The following IMPA2 variants were observed in gnomAD, a reference collection of about 807,000 sequenced individuals.
IMPA2 encodes the protein inositol monophosphatase 2.
In IMPA2, 32 loss-of-function variants were observed where a neutral mutation model predicts 35.1. The observed-to-expected ratio is 0.91, with a 90% CI of 0.69 to 1.23. The LOEUF (loss-of-function observed/expected upper bound fraction) is 1.23. Among genes scored for constraint, IMPA2 ranks in the 50% most tolerant of loss-of-function variants. The probability of loss-of-function intolerance (pLI) is 0.00; values close to 1 mark genes in which losing one functional copy is unlikely to be tolerated. For missense variants in IMPA2, 334 were observed against 387.6 expected (o/e 0.86, Z 1.16); for synonymous variants, 135 against 160.6 (o/e 0.84, Z 1.20).
intron 1 of IMPA2, among the ~76,000 whole-genome samples, chr18:11,986,908 C>T (rs1906682603): frequency 2.6e-5 from 4 of 152,246 alleles, no homozygotes; most frequent in Admixed American, 6.5e-5. Context: ...AGATGTAACT[C>T]ATGGTTCAGC....
intron 2 of IMPA2, among the ~76,000 whole-genome samples, chr18:12,002,361 T>TA (rs1454443888): frequency 1.3e-5 from 2 of 152,222 alleles, no homozygotes; most frequent in Non-Finnish European, 2.9e-5. Context: ...AACATTTTTT[T>TA]AAAAACCTGA....
chr18:11,986,416 C>T lies in IMPA2; in HGVS notation c.96+4651C>T, dbSNP rs377055829. Among the ~76,000 whole-genome samples the T allele has an allele frequency of 4.7e-4, 71 of 152,276 alleles. No homozygotes were observed. In the Middle Eastern group the frequency reaches 0.01, roughly 22 times the overall value. ...CTGTCTTTCCAGTGCCCCACCTGGT[C>T]CTGCTGAGCTGGCACTCCTCATGAC... On this transcript the variant is annotated intron_variant, in intron 1 of 7. Transcript: ENST00000269159.
At position 12,019,664 on chromosome 18, in the gene IMPA2, A is replaced by C. The variant is rs187817022; in HGVS notation, c.490+5291A>C. Among the ~76,000 whole-genome samples, 488 of 152,164 alleles carry C rather than the reference A, an allele frequency of 3.2e-3. 1 individual carries two copies. Among genetic ancestry groups the C allele is most frequent in the African/African-American group, 0.011 (466 of 41,518 alleles). ...ATCCATTGGGCTATCTTGTACTTTG[A>C]ATGGATCTTTTGTTCATTGTTGATT... is the stretch of plus-strand genomic sequence containing the variant. On this transcript the variant is annotated intron_variant, in intron 5 of 7. Transcript: ENST00000269159.
rs978214444 is a variant in IMPA2, at chr18:11,991,944, C to T, written c.97-7110C>T. Among the ~76,000 whole-genome samples the T allele has an allele frequency of 1.3e-5, 2 of 151,954 alleles. No homozygotes were observed. The highest frequency in any genetic ancestry group is 3.9e-4 in the East Asian group (2 of 5,154). On this transcript the variant is annotated intron_variant, in intron 1 of 7. Coordinates refer to ENST00000269159, the MANE Select transcript of IMPA2 (RefSeq NM_014214.3). The surrounding 1 kb of genome is among the most constrained non-coding windows in gnomAD (Gnocchi z 4.1). ...CCGCAACCTCCACCTCCTGGGCTCA[C>T]GCGTTTCTCCTACCTCAGCCCCCTG...
At chr18:11,985,839 C>T (rs979150870) in intron 1 of IMPA2, among the ~76,000 whole-genome samples, 11 of 152,206 alleles carry the variant, frequency 7.2e-5, no homozygotes, top group African/African-American at 2.4e-4. Flanking sequence ...TTCATCTACT[C>T]AGCTTATCTT....
chr18:11,983,696 G>A (rs1372021242), intron 1 of IMPA2, among the ~76,000 whole-genome samples: 2 of 151,954 alleles, frequency 1.3e-5, no homozygotes, highest in Non-Finnish European at 2.9e-5. Flanking sequence ...AGGAAGCCCG[G>A]GCCGCCCGGG....
At chr18:12,020,518 T>C (rs1907700169) in intron 5 of IMPA2, among the ~76,000 whole-genome samples, 1 of 152,210 alleles carries the variant, frequency 6.6e-6, no homozygotes, top group Non-Finnish European at 1.5e-5. Flanking sequence ...TAGAAGAGTT[T>C]TCTTGAATTA....
chr18:11,992,250 T>C (rs1906836721), intron 1 of IMPA2, among the ~76,000 whole-genome samples: 1 of 152,222 alleles, frequency 6.6e-6, no homozygotes, highest in Non-Finnish European at 1.5e-5. Flanking sequence ...TCTGGAAGCA[T>C]AAACATGGGG....
chr18:12,013,699 CTG>C (rs771576090), intron 4 of IMPA2, among the ~76,000 whole-genome samples: 4 of 152,206 alleles, frequency 2.6e-5, no homozygotes, highest in Non-Finnish European at 5.9e-5. Context: ...TCCTGGGAGG[CTG>C]TGGTCTGATG....
intron 5 of IMPA2, among the ~76,000 whole-genome samples, chr18:12,019,457 C>A (rs1907670327): frequency 7.1e-6 from 1 of 140,854 alleles, no homozygotes; most frequent in Admixed American, 7.4e-5. Flanking sequence ...TAGTAGAGAT[C>A]AGGTTTCACC....
chr18:11,986,507 T>C (rs1420212408), intron 1 of IMPA2, among the ~76,000 whole-genome samples: 2 of 152,150 alleles, frequency 1.3e-5, no homozygotes, highest in Non-Finnish European at 2.9e-5. Flanking sequence ...AATACTCTTT[T>C]GTCTACCTCT....
chr18:12,027,689 C>T (rs144035979), intron 5 of IMPA2, among the ~76,000 whole-genome samples: 1 of 151,590 alleles, frequency 6.6e-6, no homozygotes, highest in Non-Finnish European at 1.5e-5. Flanking sequence ...AATCCTCCCA[C>T]CTCAGCCTCC....
At chr18:11,998,022 C>T (rs944019690) in intron 1 of IMPA2, among the ~76,000 whole-genome samples, 1 of 152,140 alleles carries the variant, frequency 6.6e-6, no homozygotes, top group African/African-American at 2.4e-5. Context: ...AAAAAATGAG[C>T]TGGGTGCAGT....
chr18:11,997,092 C>T (rs187944533), intron 1 of IMPA2, among the ~76,000 whole-genome samples: 18 of 152,260 alleles, frequency 1.2e-4, no homozygotes, highest in African/African-American at 4.3e-4. Context: ...ACAACAGAGA[C>T]ACACACACAT....
chr18:11,995,068 A>G (rs1345750414), intron 1 of IMPA2: 1 of 152,118 alleles, frequency 6.6e-6, no homozygotes, highest in Non-Finnish European at 1.5e-5. Context: ...GGAGCTGAGA[A>G]AGGGGTCGGG....
intron 2 of IMPA2, among the ~76,000 whole-genome samples, chr18:12,007,968 CTTT>C (rs933903107): frequency 6.7e-6 from 1 of 150,002 alleles, no homozygotes; most frequent in East Asian, 2.0e-4. Context: ...ATTTCTTTTT[CTTT>C]TTTTTTCTTT....
Position 11,999,076 on chromosome 18 carries a change from A to G in IMPA2, c.119A>G (p.Glu40Gly). 1.2e-6 allele frequency: 2 copies of G among 1,613,712 alleles called. No homozygotes were observed. The highest frequency in any genetic ancestry group is 1.7e-6 in the Non-Finnish European group (2 of 1,179,808). ...CAGATCATCAGAAAAGCCCTTACTG[A>G]GGAAAAACGTGTCTCAACAAAAACA... The part of the protein sequence containing the change: ...AGQIIRKALT[E>G]EKRVSTKTSA... The change falls in exon 2 of 8, where the codon GAG becomes GGG. Residue 40 changes from glutamate (E) to glycine (G), a missense_variant. Transcript: ENST00000269159.
intron 1 of IMPA2, among the ~76,000 whole-genome samples, chr18:11,983,765 G>A (rs1235620230): frequency 6.6e-6 from 1 of 152,082 alleles, no homozygotes; most frequent in African/African-American, 2.4e-5. Context: ...TGAGGGAATG[G>A]CCTGAAGGTC....
intron 1 of IMPA2, among the ~76,000 whole-genome samples, chr18:11,984,243 C>T (rs57967783): frequency 0.1 from 15,378 of 152,208 alleles, 1,067 homozygotes; most frequent in East Asian, 0.28. Flanking sequence ...TCACCTGCCC[C>T]CTCCATGCTT....
Sources: gnomAD v4.1 joint callset for allele counts (sites outside exome capture counted in the v4.1 genomes callset) on GRCh38, gnomAD v4.1.1 for gene constraint, Gnocchi (gnomAD v3.1) non-coding constraint, MANE v1.5 for transcripts, NCBI Gene and HGNC (gene_info 2026-07-23, HGNC 2026-07-21) for gene names.